The following WNK3 variants were observed in gnomAD, a reference collection of about 807,000 sequenced individuals.
WNK3 encodes serine/threonine-protein kinase WNK3.
Under a neutral mutation model 116.7 loss-of-function variants are expected in WNK3, and 18 were observed. The observed-to-expected ratio is 0.15, with a 90% CI of 0.11 to 0.23. The LOEUF is 0.23. Ranked by LOEUF, WNK3 falls within the 10% of genes least tolerant of loss-of-function variation. The pLI, the probability that WNK3 is intolerant of heterozygous loss-of-function variation, is 1.00. For synonymous variants in WNK3, 404 were observed against 469.4 expected (o/e 0.86, Z 1.80); for missense variants, 993 against 1,323.8 (o/e 0.75, Z 3.88).
intron 2 of WNK3, among the ~76,000 whole-genome samples, chrX:54,315,438 A>G (rs1379953898): frequency 9.0e-6 from 1 of 111,524 alleles, no homozygotes. Context: ...CATTCATTCA[A>G]TGTCAACATA....
At position 54,236,935 on chromosome X, in the gene WNK3, T is replaced by C. The variant is rs1557150211; in HGVS notation, c.4628+3A>G. The C allele has an allele frequency of 7.6e-6, 9 of 1,187,718 alleles. No individual in the cohort carries two copies. Among genetic ancestry groups the C allele is most frequent in the Non-Finnish European group, 9.0e-6 (8 of 884,508 alleles). On this transcript the variant is annotated splice_donor_region_variant and intron_variant, in intron 20 of 23. Coordinates refer to ENST00000354646, the Ensembl canonical transcript of WNK3. Reference sequence around the variant, plus strand: ...TTTGTGACAAAAGAGAAACAGTCCTTACTTTTCTCGTAATCTTTGAAGCTC... The same window carrying C: ...TTTGTGACAAAAGAGAAACAGTCCTCACTTTTCTCGTAATCTTTGAAGCTC...
chrX:54,341,289 C>T (rs1182445927), intron 1 of WNK3, among the ~76,000 whole-genome samples: 1 of 110,343 alleles, frequency 9.1e-6, no homozygotes, highest in South Asian at 3.9e-4. Context: ...CCCAGCTACT[C>T]AGGAGGCTGA....
intron 22 of WNK3, among the ~76,000 whole-genome samples, chrX:54,222,150 T>G (rs782715245): frequency 9.2e-6 from 1 of 108,761 alleles, no homozygotes; most frequent in South Asian, 4.0e-4. Flanking sequence ...AGAGCAAAAC[T>G]TCGTCTCAAA....
intron 16 of WNK3, 74 bp from the exon 17 acceptor site, chrX:54,249,708 G>C (rs1355990618): frequency 2.4e-5 from 23 of 966,080 alleles, no homozygotes; most frequent in Non-Finnish European, 3.1e-5. Context: ...TAAGTCAAAA[G>C]GAACAGGAGG....
At chrX:54,260,730 T>C (rs1346836033) in intron 10 of WNK3, among the ~76,000 whole-genome samples, 1 of 110,982 alleles carries the variant, frequency 9.0e-6, no homozygotes, top group Non-Finnish European at 1.9e-5. Context: ...CATTTGTTTG[T>C]TTTTTGTTTT....
chrX:54,200,025 C>A (rs782484613), intron 23 of WNK3, among the ~76,000 whole-genome samples: 1 of 111,978 alleles, frequency 8.9e-6, no homozygotes, highest in Non-Finnish European at 1.9e-5. Context: ...GTATGCGATC[C>A]TTTCCGCATG....
intron 1 of WNK3, among the ~76,000 whole-genome samples, chrX:54,347,665 CAT>C (rs200836859): frequency 7.0e-5 from 7 of 100,596 alleles, no homozygotes; most frequent in Non-Finnish European, 9.8e-5. Flanking sequence ...AAATAAAAGA[CAT>C]ATATATATAT....
At chrX:54,325,119 G>A in intron 2 of WNK3, among the ~76,000 whole-genome samples, 1 of 111,563 alleles carries the variant, frequency 9.0e-6, no homozygotes, top group East Asian at 2.8e-4. Flanking sequence ...ATATTAGAAT[G>A]CTCACTCAAC....
At chrX:54,231,866 T>C (rs966127812) in intron 21 of WNK3, among the ~76,000 whole-genome samples, 12 of 110,772 alleles carry the variant, frequency 1.1e-4, no homozygotes, top group Non-Finnish European at 2.1e-4. Flanking sequence ...AACCCCCACC[T>C]TGACTATGCA....
intron 21 of WNK3, among the ~76,000 whole-genome samples, chrX:54,232,172 G>A (rs1191995988): frequency 9.7e-6 from 1 of 102,836 alleles, no homozygotes; most frequent in Non-Finnish European, 2.0e-5. Flanking sequence ...ATGGAGTTTC[G>A]CACTTGTCGC....
intron 10 of WNK3, among the ~76,000 whole-genome samples, chrX:54,263,460 G>T (rs192575152): frequency 1.8e-5 from 2 of 111,711 alleles, no homozygotes; most frequent in Non-Finnish European, 3.8e-5. Flanking sequence ...TAGAAAAGTG[G>T]AATTGTTCTG....
At chrX:54,250,950 A>T (rs1164406639) in intron 15 of WNK3, among the ~76,000 whole-genome samples, 2 of 111,563 alleles carry the variant, frequency 1.8e-5, no homozygotes, top group Non-Finnish European at 3.8e-5. Flanking sequence ...ATTTACTAAA[A>T]GTTATCAGTG....
intron 10 of WNK3, among the ~76,000 whole-genome samples, chrX:54,262,193 T>G (rs1557156799): frequency 4.5e-5 from 5 of 111,939 alleles, no homozygotes; most frequent in Non-Finnish European, 1.9e-5. Flanking sequence ...TGGTTGTAAT[T>G]ATACAGTTTT....
intron 1 of WNK3, among the ~76,000 whole-genome samples, chrX:54,345,144 A>G (rs782776133): frequency 3.7e-5 from 4 of 107,530 alleles, no homozygotes; most frequent in Admixed American, 1.0e-4. Context: ...CGGGAGGCTG[A>G]GGCAGGAGAA....
chrX:54,283,747 C>T (rs1557163265), intron 10 of WNK3, among the ~76,000 whole-genome samples: 3 of 82,116 alleles, frequency 3.7e-5, no homozygotes, highest in South Asian at 6.7e-4. Flanking sequence ...CCAGCCTGGG[C>T]GACAGAACAA....
intron 22 of WNK3, among the ~76,000 whole-genome samples, chrX:54,203,550 T>C (rs192297481): frequency 9.0e-6 from 1 of 111,610 alleles, no homozygotes; most frequent in Non-Finnish European, 1.9e-5. Flanking sequence ...TTGAAACTTA[T>C]AACAGGCCTG....
In WNK3 at chrX:54,222,914, T is replaced by A. The variant is rs782180254; in HGVS notation, c.4870+5800A>T. ...TATAGTATAATAATAATAATAATAA[T>A]AATATATATATATATATATATATAT... On this transcript the variant is annotated intron_variant, in intron 22 of 23. Transcript: ENST00000354646. 8.8e-4 allele frequency among the ~76,000 whole-genome samples: 60 copies of A among 68,371 alleles called. 1 individual carries two copies. The highest frequency in any genetic ancestry group is 4.1e-3 in the African/African-American group (56 of 13,766). 59.4% of individuals were successfully genotyped at this position (68,371 alleles called of 115,157 possible).
chrX:54,243,282 G>A (rs1349075831), intron 17 of WNK3, among the ~76,000 whole-genome samples: 6 of 107,963 alleles, frequency 5.6e-5, no homozygotes, highest in African/African-American at 2.0e-4. Flanking sequence ...TTAGCCGGGC[G>A]CAGTGGTGGG....
chrX:54,306,390 G>A (rs782569591), intron 5 of WNK3, among the ~76,000 whole-genome samples: 1 of 111,809 alleles, frequency 8.9e-6, no homozygotes, highest in South Asian at 3.8e-4. Context: ...ATATGGAAAT[G>A]ACCTACATGT....
Sources: allele counts gnomAD v4.1 joint callset (sites outside exome capture counted in the v4.1 genomes callset), GRCh38; gene constraint gnomAD v4.1.1; transcripts MANE v1.5; gene names NCBI Gene and HGNC (gene_info 2026-07-23, HGNC 2026-07-21).